Variants in OTOG observed in about 807,000 individuals in gnomAD.
OTOG encodes otogelin.
A neutral mutation model predicts 313.8 loss-of-function variants in OTOG; 296 were observed. The observed-to-expected ratio is 0.94, with a 90% CI of 0.86 to 1.04. The LOEUF is 1.04. Among genes scored for constraint, OTOG ranks in the 50% least tolerant of loss-of-function variants. OTOG has a pLI of 0.00. For synonymous variants in OTOG, 1,533 were observed against 1,554.9 expected, an observed-to-expected ratio of 0.99 and a Z score of 0.33; for missense variants, 3,948 against 3,840.1, an observed-to-expected ratio of 1.03 and a Z score of -0.74.
chr11:17,597,341 C>T (rs1164554638), intron 30 of OTOG, among the ~76,000 whole-genome samples: 2 of 152,170 alleles, frequency 1.3e-5, no homozygotes, highest in Admixed American at 1.3e-4. Context: ...AGACCCAGAG[C>T]TACCACTCGC....
chr11:17,605,813 T>C, intron 32 of OTOG, 44 bp from the exon 33 acceptor site: 2 of 1,494,352 alleles, frequency 1.3e-6, no homozygotes, highest in Non-Finnish European at 1.8e-6. Context: ...CGCAGCCACC[T>C]GGACCTCTGC....
Position 17,573,211 on chromosome 11 carries a change from C to A in OTOG, c.2214C>A (p.Cys738Ter). The change falls in exon 19 of 56, where the codon TGC (cysteine) becomes TGA (stop). Residue 738 changes from cysteine (C) to a stop codon, truncating the protein, a stop_gained. Coordinates refer to ENST00000399397, the MANE Select transcript of OTOG (RefSeq NM_001292063.2). LOFTEE classifies it high-confidence loss of function. Reference sequence around the variant, plus strand: ...GCCGCTGCGGGCAGCCCTGCCTGTGCGCCACACTGGCCCACTACGCCCACC... The same window carrying A: ...GCCGCTGCGGGCAGCCCTGCCTGTGAGCCACACTGGCCCACTACGCCCACC... ...DACRCGQPCL[C>*]ATLAHYAHLC... is the part of the protein sequence containing the mutation. The A allele has an allele frequency of 4.6e-6, 7 of 1,537,690 alleles. No individual in the cohort carries two copies. Among genetic ancestry groups the A allele is most frequent in the Non-Finnish European group, 5.2e-6 (6 of 1,146,544 alleles).
At chr11:17,558,086 T>C in intron 8 of OTOG, 99 bp from the exon 9 acceptor site, 3 of 1,411,926 alleles carry the variant, frequency 2.1e-6, no homozygotes, top group Non-Finnish European at 9.5e-7. Context: ...CAAAACTCCT[T>C]ACCCATCCCT....
At chr11:17,561,169 C>T (rs1852174126) in intron 14 of OTOG, 32 bp downstream of exon 14, 1 of 1,550,094 alleles carries the variant, frequency 6.5e-7, no homozygotes, top group East Asian at 2.4e-5. Flanking sequence ...CACTAGGATC[C>T]CTTCTACCAG....
At position 17,610,669 on chromosome 11, in the gene OTOG, T is replaced by C; in HGVS notation, c.5369T>C (p.Leu1790Pro). The C allele has an allele frequency of 6.4e-7, 1 of 1,550,624 alleles. No individual in the cohort carries two copies. The highest frequency in any genetic ancestry group is 8.7e-7 in the Non-Finnish European group (1 of 1,146,992). ...DGLAATPFMS[L>P]ESTRPSQLLS... ...CTGGCAGCCACACCCTTCATGTCCC[T>C]TGAGTCAACTCGTCCCTCCCAGCTC... The change falls in exon 36 of 56, where the codon CTT becomes CCT. Residue 1790 changes from leucine (L) to proline (P), a missense_variant. Transcript: ENST00000399397.
intron 20 of OTOG, 51 bp downstream of exon 20, chr11:17,574,963 G>A: frequency 1.4e-6 from 2 of 1,433,658 alleles, no homozygotes; most frequent in African/African-American, 1.4e-5. Context: ...GAGGCCAGGG[G>A]TCTCCAGGGC....
intron 13 of OTOG, 118 bp from the exon 14 acceptor site, chr11:17,560,973 A>T (rs1053282868): frequency 7.8e-6 from 10 of 1,283,564 alleles, no homozygotes; most frequent in South Asian, 4.0e-5. Flanking sequence ...CCATGGGGGA[A>T]ATCTCTACCA....
intron 54 of OTOG, among the ~76,000 whole-genome samples, chr11:17,643,939 G>A (rs1005758599): frequency 1.3e-5 from 2 of 152,322 alleles, no homozygotes; most frequent in East Asian, 1.9e-4. Flanking sequence ...CGTTAGTCCC[G>A]CCTCTCCTCC....
At chr11:17,614,184 C>T (rs911570611) in intron 39 of OTOG, among the ~76,000 whole-genome samples, 5 of 152,164 alleles carry the variant, frequency 3.3e-5, no homozygotes, top group Non-Finnish European at 7.3e-5. Flanking sequence ...AGAGGGCCCA[C>T]CTTTGCTCCT....
rs772876189 is a variant in OTOG at position 17,645,568 on chromosome 11, G to C, written c.8466G>C (p.Lys2822Asn). 1.3e-6 allele frequency: 2 copies of C among 1,550,610 alleles called. No homozygotes were observed. Among genetic ancestry groups the C allele is most frequent in the South Asian group, 2.4e-5 (2 of 84,040 alleles). Residue 2822 changes from lysine (K) to asparagine (N), a missense_variant, in exon 55 of 56, where the codon AAG becomes AAC. By Grantham distance (94) the Lys-to-Asn change is moderately conservative (BLOSUM62 0). Coordinates refer to ENST00000399397, the MANE Select transcript of OTOG (RefSeq NM_001292063.2). ...CTCATCCCCCTGTCCCCCCAGGTAA[G>C]GAGGATGGGCGCTCCTGCAAGAAGG... The part of the protein sequence containing the change: ...PSLEGCCRTC[K>N]EDGRSCKKVT...
In OTOG at chr11:17,560,800, G is replaced by A; in HGVS notation, c.1434G>A (p.Lys478=). Residue 478 remains lysine (K), a synonymous_variant, in exon 13 of 56, where the codon AAG becomes AAA. Transcript: ENST00000399397. ...TGTACCCACCTGGCTCTGTGGTGAA[G>A]GAAGACTGCAATACTTGGTCTGTGT... ...GTLYPPGSVV[K]EDCNTCTCTS... 1 of 1,550,600 alleles carries A rather than the reference G, an allele frequency of 6.4e-7. No individual in the cohort carries two copies. The highest frequency in any genetic ancestry group is 8.7e-7 in the Non-Finnish European group (1 of 1,146,774).
intron 8 of OTOG, among the ~76,000 whole-genome samples, chr11:17,557,957 A>G (rs1852090374): frequency 6.6e-6 from 1 of 152,176 alleles, no homozygotes; most frequent in Non-Finnish European, 1.5e-5. Context: ...GTTTGGAGCC[A>G]TAGGGAGCTA....
At chr11:17,604,155 A>C (rs1853322773) in intron 32 of OTOG, among the ~76,000 whole-genome samples, 1 of 152,208 alleles carries the variant, frequency 6.6e-6, no homozygotes, top group Non-Finnish European at 1.5e-5. Context: ...CTCCTCTGCC[A>C]TGCTGCCTTC....
At chr11:17,624,524 G>T (rs1853938342) in intron 39 of OTOG, among the ~76,000 whole-genome samples, 1 of 152,108 alleles carries the variant, frequency 6.6e-6, no homozygotes, top group South Asian at 2.1e-4. Context: ...GCCTGTTCTT[G>T]TACCAGTACT....
At chr11:17,575,752 C>T (rs977475720) in intron 20 of OTOG, among the ~76,000 whole-genome samples, 11 of 152,174 alleles carry the variant, frequency 7.2e-5, no homozygotes. Flanking sequence ...AGAATCCTCC[C>T]TTGAGATCCA....
At position 17,548,185 on chromosome 11, in the gene OTOG, G is replaced by T; in HGVS notation, c.189G>T (p.Gly63=). The change falls in exon 3 of 56, where the codon GGG becomes GGT. Residue 63 remains glycine (G), a synonymous_variant. Transcript: ENST00000399397. ...ACCAGGAGGCGACCCTTGCCATGGG[G>T]GACAAGGCTACAGTCGTGGGAGGCC... The part of the protein sequence containing the change: ...SSHQEATLAM[G]DKATVVGGQQ... 1.3e-6 allele frequency: 2 copies of T among 1,548,330 alleles called. No individual in the cohort carries two copies. Among genetic ancestry groups the T allele is most frequent in the Non-Finnish European group, 1.7e-6 (2 of 1,145,750 alleles).
intron 10 of OTOG, 68 bp downstream of exon 10, chr11:17,558,712 A>G: frequency 1.4e-6 from 2 of 1,441,032 alleles, no homozygotes; most frequent in Admixed American, 2.0e-5. Flanking sequence ...CACACGGGCC[A>G]TCAAACTGGG....
In OTOG at chr11:17,609,870, G is replaced by A. The variant is rs772510880; in HGVS notation, c.4570G>A (p.Gly1524Ser). ...CACTGAGGAGCCAGTGGTGTCTCCAGGCCCCACCCAGACCACCCTGCAGCA... is the reference window on the plus strand; with the variant it reads ...CACTGAGGAGCCAGTGGTGTCTCCAAGCCCCACCCAGACCACCCTGCAGCA... ...TATEEPVVSPGPTQTTLQQPL... is the reference protein window; with the variant it reads ...TATEEPVVSPSPTQTTLQQPL... Residue 1524 changes from glycine (G) to serine (S), a missense_variant, in exon 36 of 56, where the codon GGC becomes AGC. Physicochemically the swap from Gly to Ser is moderately conservative, Grantham distance 56. Transcript: ENST00000399397. 3.3e-6 allele frequency: 5 copies of A among 1,516,546 alleles called. No homozygotes were observed. In the South Asian group the frequency reaches 6.4e-5, roughly 19 times the overall value. The allele number at this position is 1,516,546 out of a possible 1,614,324, so 93.9% of individuals were successfully genotyped here.
chr11:17,596,173 C>A lies in OTOG; in HGVS notation c.3525+19C>A, dbSNP rs200989642. 1.3e-6 allele frequency: 2 copies of A among 1,518,004 alleles called. No homozygotes were observed. Among genetic ancestry groups the A allele is most frequent in the Admixed American group, 2.0e-5 (1 of 50,960 alleles). The allele number at this position is 1,518,004 out of a possible 1,614,324, so 94.0% of individuals were successfully genotyped here. A position where few individuals can be genotyped will look rare whatever the true frequency, so the allele number is the denominator to read the frequency against. On this transcript the variant is annotated intron_variant, in intron 29 of 55. Transcript: ENST00000399397. The stretch of plus-strand genomic sequence containing the variant: ...CCCTGTGGTGAGTGTACCCCAGCCT[C>A]GGCTCCTCCCGAGTGCCCCCTCCAC...
Sources: allele counts gnomAD v4.1 joint callset (sites outside exome capture counted in the v4.1 genomes callset), GRCh38; gene constraint gnomAD v4.1.1; transcripts MANE v1.5; gene names NCBI Gene and HGNC (gene_info 2026-07-23, HGNC 2026-07-21).